The following COL8A1 variants were observed in gnomAD, a reference collection of about 807,000 sequenced individuals.
COL8A1 encodes the protein collagen type VIII alpha 1 chain, also known as collagen alpha-1(VIII) chain.
A neutral mutation model predicts 42.7 loss-of-function variants in COL8A1; 21 were observed. The ratio of observed to expected loss-of-function variants is 0.49; its 90% confidence interval spans 0.35 to 0.71. The LOEUF (loss-of-function observed/expected upper bound fraction) is 0.71, where lower values mean the gene tolerates loss of function less well. Among genes scored for constraint, COL8A1 ranks in the 30% least tolerant of loss-of-function variants. The pLI is 0.01. For synonymous variants in COL8A1, 367 were observed against 369.1 expected, an observed-to-expected ratio of 0.99 and a Z score of 0.06; for missense variants, 788 against 962.4, an observed-to-expected ratio of 0.82 and a Z score of 2.40.
At chr3:99,707,747 A>G (rs1187619714) in intron 1 of COL8A1, among the ~76,000 whole-genome samples, 1 of 152,204 alleles carries the variant, frequency 6.6e-6, no homozygotes, top group Non-Finnish European at 1.5e-5. Context: ...AAGAAAAGTA[A>G]TAAGATTAAA....
intron 3 of COL8A1, among the ~76,000 whole-genome samples, chr3:99,793,204 ATCT>A: frequency 6.6e-6 from 1 of 152,198 alleles, no homozygotes; most frequent in East Asian, 1.9e-4. Context: ...TTTTTTGGAT[ATCT>A]ATTGCATAGA....
At chr3:99,714,685 T>C (rs1939944789) in intron 1 of COL8A1, among the ~76,000 whole-genome samples, 1 of 152,102 alleles carries the variant, frequency 6.6e-6, no homozygotes, top group South Asian at 2.1e-4. Flanking sequence ...ATTTAAGCCA[T>C]GATCTTAGGC....
At chr3:99,732,104 T>G (rs894279607) in intron 1 of COL8A1, among the ~76,000 whole-genome samples, 1 of 152,090 alleles carries the variant, frequency 6.6e-6, no homozygotes, top group Non-Finnish European at 1.5e-5. Context: ...ACTTCAGACT[T>G]GGAGAGAATA....
intron 1 of COL8A1, among the ~76,000 whole-genome samples, chr3:99,662,447 G>T (rs140810938): frequency 2.6e-5 from 4 of 152,006 alleles, no homozygotes; most frequent in Non-Finnish European, 5.9e-5. Flanking sequence ...GAGAAAACAT[G>T]CAAGTCTTTC....
chr3:99,733,420 T>C (rs1007079875), intron 1 of COL8A1, among the ~76,000 whole-genome samples: 1 of 140,166 alleles, frequency 7.1e-6, no homozygotes, highest in Non-Finnish European at 1.5e-5. Context: ...GTTCTTGCGA[T>C]AGTTTACTGA....
At chr3:99,677,646 G>A (rs1300686299) in intron 1 of COL8A1, 5 of 152,132 alleles carry the variant, frequency 3.3e-5, no homozygotes, top group Non-Finnish European at 7.4e-5. Flanking sequence ...GAGAATTTCT[G>A]AATACTACGT....
chr3:99,658,584 A>G (rs1938103170), intron 1 of COL8A1, among the ~76,000 whole-genome samples: 1 of 152,202 alleles, frequency 6.6e-6, no homozygotes, highest in Admixed American at 6.5e-5. Context: ...GTCTGTCCCC[A>G]GCACAGAGCC....
intron 2 of COL8A1, among the ~76,000 whole-genome samples, chr3:99,755,502 C>A (rs1452740392): frequency 6.6e-6 from 1 of 152,016 alleles, no homozygotes; most frequent in East Asian, 1.9e-4. Flanking sequence ...TACATTCTGT[C>A]TAGTTGGAGA....
At chr3:99,735,279 C>T (rs1940668534) in intron 1 of COL8A1, among the ~76,000 whole-genome samples, 1 of 131,260 alleles carries the variant, frequency 7.6e-6, no homozygotes, top group Admixed American at 7.9e-5. Context: ...ATGACATTGG[C>T]TGTGGGTTTG....
intron 1 of COL8A1, among the ~76,000 whole-genome samples, chr3:99,667,648 A>T (rs1464590783): frequency 6.6e-6 from 1 of 152,164 alleles, no homozygotes; most frequent in Non-Finnish European, 1.5e-5. Context: ...GATGCGCTTA[A>T]GGGAAGATAC....
intron 1 of COL8A1, among the ~76,000 whole-genome samples, chr3:99,670,021 C>A (rs1938493812): frequency 6.6e-6 from 1 of 151,998 alleles, no homozygotes; most frequent in Non-Finnish European, 1.5e-5. Flanking sequence ...CAATACATCA[C>A]CTCCAGGACC....
chr3:99,714,463 C>T (rs775493014), intron 1 of COL8A1, among the ~76,000 whole-genome samples: 1 of 152,084 alleles, frequency 6.6e-6, no homozygotes, highest in African/African-American at 2.4e-5. Flanking sequence ...GTAGCTAGTG[C>T]TTCCACAGTG....
chr3:99,642,713 T>C (rs1210927476), intron 1 of COL8A1, among the ~76,000 whole-genome samples: 1 of 152,236 alleles, frequency 6.6e-6, no homozygotes, highest in African/African-American at 2.4e-5. Flanking sequence ...AAAAAATCTC[T>C]TTTTAATTCT....
intron 1 of COL8A1, among the ~76,000 whole-genome samples, chr3:99,701,940 C>T (rs1022420408): frequency 5.9e-5 from 9 of 152,160 alleles, no homozygotes; most frequent in African/African-American, 2.2e-4. Flanking sequence ...ACCCATTACT[C>T]TCCTCTACCC....
intron 2 of COL8A1, 134 bp from the exon 3 acceptor site, chr3:99,790,546 T>C: frequency 1.4e-6 from 1 of 693,602 alleles, no homozygotes; most frequent in Non-Finnish European, 2.4e-6. Context: ...ATTTTCCTTT[T>C]CATTTGACTT....
chr3:99,766,739 C>T (rs1418186970), intron 2 of COL8A1, among the ~76,000 whole-genome samples: 6 of 152,192 alleles, frequency 3.9e-5, no homozygotes, highest in African/African-American at 1.4e-4. Flanking sequence ...CACCTGAGGT[C>T]AGGAGTTCGA....
chr3:99,745,765 C>A (rs893774881), intron 2 of COL8A1, among the ~76,000 whole-genome samples: 1 of 151,820 alleles, frequency 6.6e-6, no homozygotes, highest in African/African-American at 2.4e-5. Flanking sequence ...CCCTTTTATT[C>A]CTTAATTGAT....
At chr3:99,785,101 T>A (rs1180277591) in intron 2 of COL8A1, among the ~76,000 whole-genome samples, 1 of 152,170 alleles carries the variant, frequency 6.6e-6, no homozygotes, top group Admixed American at 6.5e-5. Context: ...CATATGTGAA[T>A]CAAGAAAGGT....
chr3:99,717,093 C>T (rs762207953), intron 1 of COL8A1, among the ~76,000 whole-genome samples: 3 of 151,840 alleles, frequency 2.0e-5, no homozygotes, highest in African/African-American at 2.4e-5. Flanking sequence ...GTCCTGGAAC[C>T]GAATCTCAGT....
Sources: gnomAD v4.1 joint callset for allele counts (sites outside exome capture counted in the v4.1 genomes callset) on GRCh38, gnomAD v4.1.1 for gene constraint, MANE v1.5 for transcripts, NCBI Gene and HGNC (gene_info 2026-07-23, HGNC 2026-07-21) for gene names.